The following RBBP9 variants were observed in gnomAD, a reference collection of about 807,000 sequenced individuals.
RBBP9 encodes the protein RB binding protein 9, serine hydrolase, also known as serine hydrolase RBBP9.
A neutral mutation model predicts 24.2 loss-of-function variants in RBBP9; 20 were observed. That is an observed-to-expected ratio of 0.83 (90% CI 0.58 to 1.20). RBBP9 has a LOEUF of 1.20. Ranked by LOEUF, RBBP9 falls within the 50% of genes most tolerant of loss-of-function variation. The pLI, the probability that RBBP9 is intolerant of heterozygous loss-of-function variation, is 0.00. For missense variants in RBBP9, 234 were observed against 233.6 expected (o/e 1.00, Z -0.01); for synonymous variants, 74 against 84.6 (o/e 0.87, Z 0.69).
At chr20:18,496,947 A>G (rs4141878) in intron 1 of RBBP9, 122 bp downstream of exon 1, 1 of 758,490 alleles carries the variant, frequency 1.3e-6, no homozygotes, top group Non-Finnish European at 2.2e-6. Context: ...GGGGAGAGGC[A>G]GGAAAACACA....
At chr20:18,494,834 A>G (rs909113605) in intron 2 of RBBP9, among the ~76,000 whole-genome samples, 1 of 152,364 alleles carries the variant, frequency 6.6e-6, no homozygotes, top group South Asian at 2.1e-4. Context: ...TAGATGCTGT[A>G]AAGTTTTATA....
chr20:18,492,061 C>T (rs993733452), intron 3 of RBBP9, among the ~76,000 whole-genome samples: 7 of 143,100 alleles, frequency 4.9e-5, no homozygotes, highest in Non-Finnish European at 9.0e-5. Context: ...TGTGCCACTG[C>T]ACTCCAGCCC....
At chr20:18,495,145 A>AG (rs879282511) in intron 2 of RBBP9, among the ~76,000 whole-genome samples, 417 of 149,888 alleles carry the variant, frequency 2.8e-3, no homozygotes, top group Non-Finnish European at 4.7e-3. Flanking sequence ...TGGAATAGAA[A>AG]GGGGGGAAAG....
rs79211817 is a variant in RBBP9, at chr20:18,491,533, A to G, written c.249-1053T>C. ...TAATCCTTGACTAGATCTAGGATTG[A>G]CTAGATCTAGGTGAAAAGTACTACA... On this transcript the variant is annotated intron_variant, in intron 3 of 4. Coordinates refer to ENST00000337227, the MANE Select transcript of RBBP9 (RefSeq NM_006606.3). 5.0e-3 allele frequency among the ~76,000 whole-genome samples: 761 copies of G among 152,288 alleles called. 6 individuals are homozygous for G. The highest frequency in any genetic ancestry group is 0.017 in the African/African-American group (721 of 41,554).
intron 1 of RBBP9, among the ~76,000 whole-genome samples, chr20:18,496,851 T>C (rs553949081): frequency 6.6e-6 from 1 of 152,292 alleles, no homozygotes; most frequent in African/African-American, 2.4e-5. Context: ...CCTTTAACTC[T>C]AAAGGCTGAG....
In RBBP9 at chr20:18,489,985, A is replaced by G; in HGVS notation, c.340T>C (p.Phe114Leu). The G allele has an allele frequency of 6.2e-7, 1 of 1,601,008 alleles. No homozygotes were observed. The highest frequency in any genetic ancestry group is 8.6e-7 in the Non-Finnish European group (1 of 1,169,242). ...TTCTCCCACTGCCAGGGGCGGGTGA[A>G]GTATCCTATGGGGAAAAAAAAATGA... ...GDENERASGY[F>L]TRPWQWEKIK... is the part of the protein sequence containing the mutation. Residue 114 changes from phenylalanine to leucine, a missense_variant, in exon 5 of 5, where the codon TTC (phenylalanine) becomes CTC (leucine). Phe to Leu is a conservative substitution (Grantham distance 22). Transcript: ENST00000337227.
chr20:18,490,572 C>G (rs1260109575), intron 3 of RBBP9, 92 bp from the exon 4 acceptor site: 2 of 931,808 alleles, frequency 2.1e-6, no homozygotes, highest in African/African-American at 3.3e-5. Flanking sequence ...TTTGAGGTAG[C>G]CTACAGAAAG....
chr20:18,492,096 C>CAAA (rs71194242), intron 3 of RBBP9, among the ~76,000 whole-genome samples: 13,840 of 69,784 alleles, frequency 0.2, 1,640 homozygotes, highest in East Asian at 0.34. Flanking sequence ...GGCTCTGTCT[C>CAAA]AAAAAAAAAA....
At chr20:18,492,692 A>T (rs1444139933) in intron 3 of RBBP9, among the ~76,000 whole-genome samples, 1 of 152,174 alleles carries the variant, frequency 6.6e-6, no homozygotes, top group Non-Finnish European at 1.5e-5. Context: ...GTCAATAGGA[A>T]ATTCTACAAC....
Position 18,490,403 on chromosome 20 carries a change from C to A in RBBP9, c.326G>T (p.Arg109Leu), listed in dbSNP as rs372324175. 3 of 1,612,506 alleles carry A rather than the reference C, an allele frequency of 1.9e-6. No homozygotes were observed. Among genetic ancestry groups the A allele is most frequent in the Admixed American group, 1.7e-5 (1 of 59,994 alleles). Residue 109 changes from arginine (R) to leucine (L), a missense_variant, in exon 4 of 5, where the codon CGT becomes CTT. Arg to Leu is a moderately radical substitution (Grantham distance 102). Transcript: ENST00000337227. ...YTSDLGDENE[R>L]ASGYFTRPWQ... The stretch of plus-strand genomic sequence containing the variant: ...TCTACCTTTGGACTTACCACTTGCA[C>A]GCTCATTTTCATCCCCCAAGTCTGA...
chr20:18,495,463 G>T (rs550720410), intron 2 of RBBP9, among the ~76,000 whole-genome samples: 16 of 151,126 alleles, frequency 1.1e-4, no homozygotes, highest in African/African-American at 3.9e-4. Context: ...AAGGCCGCAG[G>T]GTCCTCTGCC....
chr20:18,497,019 C>A, intron 1 of RBBP9, 50 bp downstream of exon 1: 1 of 1,495,768 alleles, frequency 6.7e-7, no homozygotes, highest in South Asian at 1.1e-5. Context: ...CCTCTCCCGC[C>A]GTCCCTCCCT....
At position 18,489,680 on chromosome 20, in the gene RBBP9, A is replaced by C. The variant is rs2059856923; in HGVS notation, c.*84T>G. On this transcript the variant is annotated 3_prime_UTR_variant, in exon 5 of 5. Coordinates refer to ENST00000337227, the MANE Select transcript of RBBP9 (RefSeq NM_006606.3). ...TCAGGCACTTACGGAACTTAACTGG[A>C]TGTTCTATGTGTCTAGTAATCAGCT... The C allele has an allele frequency of 1.1e-6, 1 of 869,600 alleles. No homozygotes were observed. The highest frequency in any genetic ancestry group is 2.6e-5 in the East Asian group (1 of 38,404). The allele number at this position is 869,600 out of a possible 1,614,324, so 53.9% of individuals were successfully genotyped here. A position where few individuals can be genotyped will look rare whatever the true frequency, so the allele number is the denominator to read the frequency against.
rs2059854152 is a variant in RBBP9 at position 18,488,961 on chromosome 20, G to GTA, written c.*802_*803insTA. 1.1e-5 allele frequency: 1 copy of GTA among 89,286 alleles called. No homozygotes were observed. The highest frequency in any genetic ancestry group is 1.0e-4 in the Admixed American group (1 of 9,574). 5.5% of individuals were successfully genotyped at this position (89,286 alleles called of 1,614,324 possible). A position where few individuals can be genotyped will look rare whatever the true frequency, so the allele number is the denominator to read the frequency against. On this transcript the variant is annotated 3_prime_UTR_variant, in exon 5 of 5. Transcript: ENST00000337227. ...ATATGGATTGTATGTGTATGTGTGT[G>GTA]TGTGTGTGTGTATATATATATATAT...
In RBBP9 at chr20:18,494,069, G is replaced by A. The variant is rs528399463; in HGVS notation, c.143-6C>T. 1.8e-5 allele frequency: 29 copies of A among 1,610,504 alleles called. No individual in the cohort carries two copies. The highest frequency in any genetic ancestry group is 3.3e-4 in the Middle Eastern group (2 of 6,054). ...GATGCTCTCTCGTGCTGTAACTTAA[G>A]GTTCAGGGTAAAGAAAAAGTCTGTC... On this transcript the variant is annotated splice_polypyrimidine_tract_variant and splice_region_variant and intron_variant, in intron 2 of 4. Transcript: ENST00000337227.
intron 4 of RBBP9, 22 bp from the exon 5 acceptor site, chr20:18,490,012 C>T: frequency 6.6e-7 from 1 of 1,525,398 alleles, no homozygotes; most frequent in Non-Finnish European, 9.0e-7. Context: ...AAAAAATGAT[C>T]TTTCAGTACC....
intron 3 of RBBP9, among the ~76,000 whole-genome samples, chr20:18,492,438 C>A (rs1267843574): frequency 6.6e-6 from 1 of 152,078 alleles, no homozygotes; most frequent in African/African-American, 2.4e-5. Context: ...ACATTATCCT[C>A]TAAATAGGAT....
chr20:18,495,940 G>T, intron 1 of RBBP9, 60 bp from the exon 2 acceptor site: 1 of 1,346,532 alleles, frequency 7.4e-7, no homozygotes, highest in Non-Finnish European at 1.0e-6. Flanking sequence ...CTAATACTTT[G>T]CTAATAAGAA....
At chr20:18,494,221 T>C (rs1409605902) in intron 2 of RBBP9, among the ~76,000 whole-genome samples, 158 bp from the exon 3 acceptor site, 1 of 151,800 alleles carries the variant, frequency 6.6e-6, no homozygotes, top group Non-Finnish European at 1.5e-5. Flanking sequence ...AAACCAAAGA[T>C]TTATGTATTA....
Sources: gnomAD v4.1 joint callset for allele counts (sites outside exome capture counted in the v4.1 genomes callset) on GRCh38, gnomAD v4.1.1 for gene constraint, MANE v1.5 for transcripts, NCBI Gene and HGNC (gene_info 2026-07-23, HGNC 2026-07-21) for gene names.